TNPO3: variants seen among roughly 807,000 people sequenced by gnomAD.
TNPO3 encodes the protein transportin 3.
A neutral mutation model predicts 122.8 loss-of-function variants in TNPO3; 65 were observed. The observed-to-expected ratio is 0.53, with a 90% CI of 0.43 to 0.65. The LOEUF (loss-of-function observed/expected upper bound fraction) is 0.65, where lower values mean the gene tolerates loss of function less well. TNPO3 is among the 30% of genes least tolerant of loss of function. The pLI is 0.00. For missense variants in TNPO3, 850 were observed against 1,136.7 expected, an observed-to-expected ratio of 0.75 and a Z score of 3.63; for synonymous variants, 372 against 411.2, an observed-to-expected ratio of 0.90 and a Z score of 1.15.
chr7:129,054,037 T>G (rs3807300), intron 1 of TNPO3, among the ~76,000 whole-genome samples: 1 of 152,176 alleles, frequency 6.6e-6, no homozygotes, highest in Non-Finnish European at 1.5e-5. Context: ...AGGATTAATA[T>G]GAAACAAAAT....
intron 21 of TNPO3, among the ~76,000 whole-genome samples, chr7:128,966,426 C>CTA (rs1173663473): frequency 6.6e-6 from 1 of 152,154 alleles, no homozygotes; most frequent in African/African-American, 2.4e-5. Flanking sequence ...TACAAAAAGA[C>CTA]TATCAGGGCA....
intron 5 of TNPO3, among the ~76,000 whole-genome samples, chr7:129,002,897 G>A (rs1024245215): frequency 1.2e-4 from 19 of 152,076 alleles, no homozygotes; most frequent in African/African-American, 3.1e-4. Flanking sequence ...AAAATTAGCC[G>A]GGCGTGGTGT....
At chr7:129,022,440 G>A (rs1334082384) in intron 1 of TNPO3, among the ~76,000 whole-genome samples, 2 of 151,562 alleles carry the variant, frequency 1.3e-5, no homozygotes, top group Non-Finnish European at 1.5e-5. Context: ...TCCAGCCTGG[G>A]TGACAGAGCA....
chr7:129,030,789 T>C (rs1805845800), intron 1 of TNPO3, among the ~76,000 whole-genome samples: 1 of 152,218 alleles, frequency 6.6e-6, no homozygotes, highest in Admixed American at 6.5e-5. Context: ...TGGAAACTAT[T>C]TAAATATTTG....
rs73463027 is a variant in TNPO3 at position 128,976,424 on chromosome 7, C to A, written c.2062-489G>T. 2.1e-3 allele frequency among the ~76,000 whole-genome samples: 325 copies of A among 152,178 alleles called. 3 individuals are homozygous for A. The highest frequency in any genetic ancestry group is 7.3e-3 in the African/African-American group (302 of 41,532). ...TTTAAGTAAAAAATAGTGTTTTCTA[C>A]GAAGATATTTGGATTTCAACACAGC... On this transcript the variant is annotated intron_variant, in intron 16 of 22. Transcript: ENST00000265388.
intron 16 of TNPO3, 48 bp from the exon 17 acceptor site, chr7:128,975,983 T>A (rs746527288): frequency 7.6e-7 from 1 of 1,319,574 alleles, no homozygotes; most frequent in South Asian, 1.2e-5. Context: ...CTTCAAAAAG[T>A]ACCAACTTAC....
At chr7:128,972,608 T>C in intron 18 of TNPO3, 26 bp from the exon 19 acceptor site, 2 of 1,607,070 alleles carry the variant, frequency 1.2e-6, no homozygotes, top group Non-Finnish European at 1.7e-6. Context: ...AGACTAGGTA[T>C]AAATGACAAG....
chr7:129,038,957 T>C (rs1807036432), intron 1 of TNPO3, among the ~76,000 whole-genome samples: 1 of 152,088 alleles, frequency 6.6e-6, no homozygotes, highest in Non-Finnish European at 1.5e-5. Flanking sequence ...CAAACCTGCA[T>C]GTGTATCCCT....
chr7:129,011,564 G>A (rs568562776), intron 4 of TNPO3, among the ~76,000 whole-genome samples: 10 of 151,712 alleles, frequency 6.6e-5, no homozygotes, highest in African/African-American at 1.9e-4. Flanking sequence ...GGATGGTCTC[G>A]AGCTCCTGAC....
intron 4 of TNPO3, among the ~76,000 whole-genome samples, chr7:129,008,783 C>T (rs1447423562): frequency 1.3e-5 from 2 of 152,120 alleles, no homozygotes; most frequent in African/African-American, 4.8e-5. Flanking sequence ...ATCTTTGATG[C>T]TGTTGATATA....
chr7:129,001,050 A>G lies in TNPO3; in HGVS notation c.872+9T>C. 6.2e-7 allele frequency: 1 copy of G among 1,613,036 alleles called. No individual in the cohort carries two copies. Among genetic ancestry groups the G allele is most frequent in the Non-Finnish European group, 8.5e-7 (1 of 1,179,038 alleles). Reference sequence around the variant, plus strand: ...AAACCCAGGGCTCCAGACTTAAACAATTACTCACTTGTCTAAATCTTCACG... The same window carrying G: ...AAACCCAGGGCTCCAGACTTAAACAGTTACTCACTTGTCTAAATCTTCACG... On this transcript the variant is annotated intron_variant, in intron 6 of 22. Coordinates refer to ENST00000265388, the MANE Select transcript of TNPO3 (RefSeq NM_012470.4).
chr7:129,020,350 C>T (rs961571867), intron 1 of TNPO3, among the ~76,000 whole-genome samples: 10 of 152,144 alleles, frequency 6.6e-5, no homozygotes, highest in Non-Finnish European at 1.3e-4. Flanking sequence ...AAAAATCTTC[C>T]AAAGATTTTA....
chr7:129,053,218 A>G (rs1489763780), intron 1 of TNPO3, among the ~76,000 whole-genome samples: 2 of 151,952 alleles, frequency 1.3e-5, no homozygotes, highest in Non-Finnish European at 2.9e-5. Flanking sequence ...CCAGCTACTC[A>G]GGAGGCTGAG....
At chr7:129,026,394 ATT>A (rs969403916) in intron 1 of TNPO3, among the ~76,000 whole-genome samples, 82 of 94,686 alleles carry the variant, frequency 8.7e-4, no homozygotes, top group African/African-American at 2.8e-3. Context: ...TGACGTTTGA[ATT>A]TTTTTTTTTT....
intron 21 of TNPO3, among the ~76,000 whole-genome samples, chr7:128,958,377 T>C (rs1195379704): frequency 6.6e-6 from 1 of 152,052 alleles, no homozygotes; most frequent in African/African-American, 2.4e-5. Flanking sequence ...ACTCCTGACC[T>C]TGTGATCCGC....
At chr7:128,974,558 A>G (rs1798860850) in intron 18 of TNPO3, among the ~76,000 whole-genome samples, 1 of 152,166 alleles carries the variant, frequency 6.6e-6, no homozygotes, top group Non-Finnish European at 1.5e-5. Flanking sequence ...TCGCAACAGC[A>G]CGAACAGTTA....
chr7:128,963,361 C>A (rs34632345), intron 21 of TNPO3, among the ~76,000 whole-genome samples: 26,163 of 152,166 alleles, frequency 0.17, 2,713 homozygotes, highest in East Asian at 0.43. Flanking sequence ...TATACTGTAA[C>A]CAGCACTGAA....
At chr7:128,982,517 T>A (rs1799730610) in intron 13 of TNPO3, among the ~76,000 whole-genome samples, 193 bp from the exon 14 acceptor site, 1 of 152,240 alleles carries the variant, frequency 6.6e-6, no homozygotes, top group African/African-American at 2.4e-5. Context: ...TTCCTCCATC[T>A]TATTGCATCC....
chr7:128,973,435 C>T (rs1297582977), intron 18 of TNPO3, among the ~76,000 whole-genome samples: 1 of 151,994 alleles, frequency 6.6e-6, no homozygotes, highest in African/African-American at 2.4e-5. Context: ...GGAATACATA[C>T]CCTAAGAAAA....
Sources: allele counts gnomAD v4.1 joint callset (sites outside exome capture counted in the v4.1 genomes callset), GRCh38; gene constraint gnomAD v4.1.1; transcripts MANE v1.5; gene names NCBI Gene and HGNC (gene_info 2026-07-23, HGNC 2026-07-21).